Variants in LRRC9 observed in about 807,000 individuals in gnomAD.
LRRC9 encodes the protein leucine rich repeat containing 9.
Under a neutral mutation model 63.2 loss-of-function variants are expected in LRRC9, and 122 were observed. That is an observed-to-expected ratio of 1.93 (90% CI 1.67 to 2.24). The LOEUF (loss-of-function observed/expected upper bound fraction) is 2.24, where lower values mean the gene tolerates loss of function less well. Ranked by LOEUF, LRRC9 falls within the 30% of genes most tolerant of loss-of-function variation. The probability of loss-of-function intolerance (pLI) is 0.00; values close to 1 mark genes in which losing one functional copy is unlikely to be tolerated. For missense variants in LRRC9, 1,071 were observed against 627.7 expected (o/e 1.71, Z -7.55); for synonymous variants, 366 against 213.1 (o/e 1.72, Z -6.25).
chr14:59,957,446 T>G (rs1171051333), intron 8 of LRRC9, among the ~76,000 whole-genome samples: 1 of 152,112 alleles, frequency 6.6e-6, no homozygotes, highest in Non-Finnish European at 1.5e-5. Context: ...GTATGCTTCA[T>G]GAAGTTCTTA....
chr14:60,001,946 T>TAAA lies in LRRC9; in HGVS notation c.2530-19_2530-18insAAA, dbSNP rs1337235157. On this transcript the variant is annotated intron_variant, in intron 19 of 31. Transcript: ENST00000445360. ...TGTATACTGTTTCCTTTTTTCACTG[T>TAAA]ATTTTTTAAATTTTATTAGTTATCT... 95 of 635,144 alleles carry TAAA rather than the reference T, an allele frequency of 1.5e-4. 1 individual carries two copies. The Admixed American group carries it at 2.3e-3, about 16-fold the overall frequency. 39.3% of individuals were successfully genotyped at this position (635,144 alleles called of 1,614,324 possible). A position where few individuals can be genotyped will look rare whatever the true frequency, so the allele number is the denominator to read the frequency against.
At chr14:60,039,863 C>T (rs1288376196) in intron 29 of LRRC9, among the ~76,000 whole-genome samples, 3 of 152,038 alleles carry the variant, frequency 2.0e-5, no homozygotes, top group African/African-American at 7.2e-5. Context: ...GTTAGGGTGT[C>T]TATTTTAGAT....
intron 23 of LRRC9, among the ~76,000 whole-genome samples, chr14:60,011,075 G>A (rs922006811): frequency 1.3e-5 from 2 of 152,092 alleles, no homozygotes; most frequent in African/African-American, 4.8e-5. Context: ...CCAATTTACT[G>A]CATTAGTCTG....
At position 59,938,238 on chromosome 14, in the gene LRRC9, T is replaced by A. The variant is rs1881262987; in HGVS notation, c.544-152T>A. On this transcript the variant is annotated intron_variant, in intron 6 of 31. Transcript: ENST00000445360. This position sits in a 1 kb window ranked among gnomAD's most constrained non-coding sequence, Gnocchi z 4.2. ...TTTCTTCAGGAATTTAGCTTTTCAA[T>A]AGAGAGAAACATTTTAGGCATCTAA... Among the ~76,000 whole-genome samples the A allele has an allele frequency of 6.6e-6, 1 of 152,190 alleles. No homozygotes were observed. The highest frequency in any genetic ancestry group is 6.6e-5 in the Admixed American group (1 of 15,250).
chr14:59,955,622 T>G (rs1290405192), intron 8 of LRRC9, among the ~76,000 whole-genome samples: 1 of 152,036 alleles, frequency 6.6e-6, no homozygotes, highest in Non-Finnish European at 1.5e-5. Flanking sequence ...TTTTGAAGGG[T>G]TTTTCATGTC....
At chr14:60,061,772 C>T (rs309007) in intron 31 of LRRC9, among the ~76,000 whole-genome samples, 113,665 of 152,172 alleles carry the variant, frequency 0.75, 44,573 homozygotes, top group Non-Finnish European at 0.87. Context: ...ATGTTTAAAA[C>T]ATTATCTAGG....
At position 59,942,668 on chromosome 14, in the gene LRRC9, C is replaced by T. The variant is rs1007565303; in HGVS notation, c.727-1921C>T. ...ACTTGAACCCAGAAGGCAGAAGTTG[C>T]GGTGAGCCGATATCACACCACTGCA... On this transcript the variant is annotated intron_variant, in intron 7 of 31. Transcript: ENST00000445360. This position sits in a 1 kb window ranked among gnomAD's most constrained non-coding sequence, Gnocchi z 5.3. Among the ~76,000 whole-genome samples, 9 of 152,202 alleles carry T rather than the reference C, an allele frequency of 5.9e-5. No homozygotes were observed. The highest frequency in any genetic ancestry group is 2.2e-4 in the African/African-American group (9 of 41,558).
intron 17 of LRRC9, among the ~76,000 whole-genome samples, chr14:59,993,286 T>C (rs1888369894): frequency 6.6e-6 from 1 of 152,242 alleles, no homozygotes; most frequent in South Asian, 2.1e-4. Flanking sequence ...CCACCAGGCC[T>C]GCCCTACAAG....
intron 17 of LRRC9, among the ~76,000 whole-genome samples, chr14:59,989,582 C>A (rs1479486008): frequency 6.6e-6 from 1 of 151,876 alleles, no homozygotes; most frequent in East Asian, 1.9e-4. Flanking sequence ...TCATTCTTAA[C>A]ATCTTTTAGT....
intron 1 of LRRC9, among the ~76,000 whole-genome samples, chr14:59,924,086 C>T (rs1889004607): frequency 6.6e-6 from 1 of 152,178 alleles, no homozygotes; most frequent in Admixed American, 6.5e-5. Flanking sequence ...GATTTAATTC[C>T]TTCTACAATA....
At chr14:59,924,062 A>G (rs1018656587) in intron 1 of LRRC9, among the ~76,000 whole-genome samples, 4 of 152,254 alleles carry the variant, frequency 2.6e-5, no homozygotes, top group Non-Finnish European at 5.9e-5. Context: ...CATTTAGAAT[A>G]TAACAAAGAG....
chr14:59,930,027 T>C lies in LRRC9; in HGVS notation c.268-891T>C, dbSNP rs71416051. On this transcript the variant is annotated intron_variant, in intron 3 of 31. Coordinates refer to ENST00000445360, the Ensembl canonical transcript of LRRC9. This position sits in a 1 kb window ranked among gnomAD's most constrained non-coding sequence, Gnocchi z 4.9. ...TACAACAAACCCCCATGACAGAAAT[T>C]TACCTAAATAACAAACCTGCACATG... is the stretch of plus-strand genomic sequence containing the variant. 0.026 allele frequency among the ~76,000 whole-genome samples: 3,960 copies of C among 151,728 alleles called. 71 individuals carry two copies. The highest frequency in any genetic ancestry group is 0.04 in the Non-Finnish European group (2,739 of 67,818).
At chr14:59,955,630 G>A (rs529933033) in intron 8 of LRRC9, among the ~76,000 whole-genome samples, 1 of 152,166 alleles carries the variant, frequency 6.6e-6, no homozygotes, top group African/African-American at 2.4e-5. Context: ...GGTTTTTCAT[G>A]TCTCTACCTC....
rs1594892594 is a variant in LRRC9 at position 59,967,188 on chromosome 14, G to T, written c.1481G>T (p.Gly494Val). Reference sequence around the variant, plus strand: ...CATCTTCTACAAATACTTGAAAAAGGATTCAAAGACAGTGAAACAAGCAAG... The same window carrying T: ...CATCTTCTACAAATACTTGAAAAAGTATTCAAAGACAGTGAAACAAGCAAG... Residue 494 changes from glycine to valine, a missense_variant, in exon 12 of 32, where the codon GGA becomes GTA. By Grantham distance (109) the Gly-to-Val change is moderately radical. Coordinates refer to ENST00000445360, the Ensembl canonical transcript of LRRC9. 9.6e-6 allele frequency: 6 copies of T among 622,220 alleles called. No individual in the cohort carries two copies. In the East Asian group the frequency reaches 1.7e-4, roughly 17 times the overall value. The allele number at this position is 622,220 out of a possible 1,614,324, so 38.5% of individuals were successfully genotyped here. A position where few individuals can be genotyped will look rare whatever the true frequency, so the allele number is the denominator to read the frequency against.
intron 15 of LRRC9, among the ~76,000 whole-genome samples, chr14:59,979,308 C>T (rs1382536115): frequency 1.3e-5 from 2 of 152,050 alleles, no homozygotes; most frequent in Non-Finnish European, 2.9e-5. Flanking sequence ...CTGTCACTTG[C>T]CTTTTAATTT....
chr14:60,006,914 T>C (rs2140230223), intron 22 of LRRC9, among the ~76,000 whole-genome samples: 1 of 152,274 alleles, frequency 6.6e-6, no homozygotes, highest in South Asian at 2.1e-4. Flanking sequence ...CGTGATGATC[T>C]TTCACTGTTC....
rs143722859 is a variant in LRRC9, at chr14:59,936,342, G to A, written c.544-2048G>A. Among the ~76,000 whole-genome samples, 68 of 152,186 alleles carry A rather than the reference G, an allele frequency of 4.5e-4. No individual in the cohort carries two copies. In the East Asian group the frequency reaches 0.013, roughly 29 times the overall value. ...GTTTTACTATCTTCATATTAAAAAT[G>A]TTCCTGGAACACTATTATCTTAGAT... On this transcript the variant is annotated intron_variant, in intron 6 of 31. Coordinates refer to ENST00000445360, the Ensembl canonical transcript of LRRC9. This position sits in a 1 kb window ranked among gnomAD's most constrained non-coding sequence, Gnocchi z 4.2.
At chr14:60,048,855 C>T (rs187377562) in intron 29 of LRRC9, among the ~76,000 whole-genome samples, 5 of 152,262 alleles carry the variant, frequency 3.3e-5, no homozygotes, top group Admixed American at 3.3e-4. Flanking sequence ...CTTCAGGCCA[C>T]TATCTCTGAT....
At chr14:59,960,924 A>T (rs775070131) in exon 10 of LRRC9, 2 of 672,412 alleles carry the variant, frequency 3.0e-6, no homozygotes, top group South Asian at 3.3e-5. Context: ...AATTGAAGCA[A>T]TTTATCATAT....
Sources: gnomAD v4.1 joint callset for allele counts (sites outside exome capture counted in the v4.1 genomes callset) on GRCh38, gnomAD v4.1.1 for gene constraint, Gnocchi (gnomAD v3.1) non-coding constraint, MANE v1.5 for transcripts, NCBI Gene and HGNC (gene_info 2026-07-23, HGNC 2026-07-21) for gene names.